The following LCA5L variants were observed in gnomAD, a reference collection of about 807,000 sequenced individuals.
LCA5L encodes the protein lebercilin LCA5 like, also known as lebercilin-like protein.
LCA5L carries 35 observed loss-of-function variants against 45.4 expected under a neutral mutation model. That is an observed-to-expected ratio of 0.77 (90% CI 0.59 to 1.02). The LOEUF is 1.02. Ranked by LOEUF, LCA5L falls within the 50% of genes least tolerant of loss-of-function variation. The probability of loss-of-function intolerance (pLI) is 0.00; values close to 1 mark genes in which losing one functional copy is unlikely to be tolerated. For missense variants in LCA5L, 668 were observed against 761.6 expected, an observed-to-expected ratio of 0.88 and a Z score of 1.45; for synonymous variants, 233 against 264.7, an observed-to-expected ratio of 0.88 and a Z score of 1.16.
chr21:39,410,271 GTC>G lies in LCA5L; in HGVS notation c.1155_1156del (p.Leu385PhefsTer3). The G allele has an allele frequency of 1.9e-6, 3 of 1,594,556 alleles. No homozygotes were observed. Among genetic ancestry groups the G allele is most frequent in the Middle Eastern group, 1.7e-4 (1 of 6,002 alleles). On this transcript the variant is annotated frameshift_variant, in exon 9 of 11. Coordinates refer to ENST00000288350, the MANE Select transcript of LCA5L (RefSeq NM_152505.4). LOFTEE classifies it high-confidence loss of function. ...ATTCCAAATTTGCTGTACCTTAGTT[GTC>G]AAAGGTGGAACATCTGATTTTTGGG...
chr21:39,410,434 A>G, intron 8 of LCA5L, 67 bp from the exon 9 acceptor site: 1 of 837,148 alleles, frequency 1.2e-6, no homozygotes, highest in Non-Finnish European at 1.9e-6. Context: ...GATTTTAAAC[A>G]TAAAATAACT....
chr21:39,428,530 A>G (rs1447021301), intron 4 of LCA5L, 27 bp from the exon 5 acceptor site: 2 of 1,262,926 alleles, frequency 1.6e-6, no homozygotes, highest in Non-Finnish European at 2.1e-6. Context: ...AAAACCTAAT[A>G]AAAGTATTTT....
At chr21:39,418,021 C>T (rs2041590352) in intron 7 of LCA5L, among the ~76,000 whole-genome samples, 1 of 152,234 alleles carries the variant, frequency 6.6e-6, no homozygotes, top group African/African-American at 2.4e-5. Context: ...CCACCTTGGC[C>T]TCCCAAAGTG....
intron 5 of LCA5L, among the ~76,000 whole-genome samples, chr21:39,427,163 C>T (rs1166230286): frequency 6.6e-6 from 1 of 152,150 alleles, no homozygotes; most frequent in Non-Finnish European, 1.5e-5. Context: ...CCTTTATTGT[C>T]CTCCTGTTGA....
rs2039011959 is a variant in LCA5L, at chr21:39,405,874, G to C, written c.*8C>G. On this transcript the variant is annotated 3_prime_UTR_variant, in exon 11 of 11. Coordinates refer to ENST00000288350, the MANE Select transcript of LCA5L (RefSeq NM_152505.4). ...TCAAACCAGAATGCATTAGGATATT[G>C]ATTATATTTAAATAATTATTTTTCT... 6.5e-7 allele frequency: 1 copy of C among 1,543,284 alleles called. No individual in the cohort carries two copies. The highest frequency in any genetic ancestry group is 1.4e-5 in the African/African-American group (1 of 71,842).
At chr21:39,421,089 AT>A (rs2147643483) in intron 6 of LCA5L, among the ~76,000 whole-genome samples, 1 of 149,978 alleles carries the variant, frequency 6.7e-6, no homozygotes, top group East Asian at 1.9e-4. Flanking sequence ...CTAAAATTTG[AT>A]TTAACAATTC....
Position 39,410,175 on chromosome 21 carries a change from A to C in LCA5L, c.1165-79T>G. 3.2e-6 allele frequency: 4 copies of C among 1,261,550 alleles called. No homozygotes were observed. In the South Asian group the frequency reaches 4.9e-5, roughly 15 times the overall value. 78.1% of individuals were successfully genotyped at this position (1,261,550 alleles called of 1,614,324 possible). A position where few individuals can be genotyped will look rare whatever the true frequency, so the allele number is the denominator to read the frequency against. On this transcript the variant is annotated intron_variant, in intron 9 of 10. Coordinates refer to ENST00000288350, the MANE Select transcript of LCA5L (RefSeq NM_152505.4). ...AATTGCATTTTATTCTAATGACTAC[A>C]AATACTTTTCACATAGAACAAGTGA... is the stretch of plus-strand genomic sequence containing the variant.
intron 10 of LCA5L, 158 bp from the exon 11 acceptor site, chr21:39,406,770 A>G: frequency 1.7e-6 from 1 of 581,874 alleles, no homozygotes; most frequent in Non-Finnish European, 3.0e-6. Flanking sequence ...TTACAGAGAA[A>G]GGTGCTATTA....
At chr21:39,434,599 G>A (rs1419752693) in intron 3 of LCA5L, among the ~76,000 whole-genome samples, 1 of 152,068 alleles carries the variant, frequency 6.6e-6, no homozygotes, top group Non-Finnish European at 1.5e-5. Context: ...CTCACTGCAG[G>A]CTTGACCTCC....
intron 10 of LCA5L, among the ~76,000 whole-genome samples, chr21:39,408,850 G>A (rs2039567841): frequency 6.6e-6 from 1 of 152,210 alleles, no homozygotes; most frequent in South Asian, 2.1e-4. Context: ...ATATTCAAGG[G>A]AGCTGAAGCT....
chr21:39,423,595 C>T, intron 5 of LCA5L, 105 bp from the exon 6 acceptor site: 2 of 914,628 alleles, frequency 2.2e-6, no homozygotes, highest in East Asian at 2.6e-5. Context: ...ACACACCACA[C>T]ACATACACAC....
At chr21:39,411,675 G>A (rs748023528) in intron 8 of LCA5L, 43 bp downstream of exon 8, 5 of 1,012,624 alleles carry the variant, frequency 4.9e-6, no homozygotes, top group East Asian at 2.5e-5. Flanking sequence ...AATCTGACTA[G>A]ATACTTAAAA....
intron 1 of LCA5L, chr21:39,445,306 A>G (rs1172654968): frequency 4.6e-5 from 7 of 152,302 alleles, no homozygotes; most frequent in Non-Finnish European, 1.5e-5. Flanking sequence ...TCCAAAGCAA[A>G]ACAGCAAGTA....
chr21:39,410,245 G>T lies in LCA5L; in HGVS notation c.1164+19C>A. 1 of 1,479,682 alleles carries T rather than the reference G, an allele frequency of 6.8e-7. No individual in the cohort carries two copies. The highest frequency in any genetic ancestry group is 1.2e-5 in the South Asian group (1 of 85,918). The allele number at this position is 1,479,682 out of a possible 1,614,324, so 91.7% of individuals were successfully genotyped here. A position where few individuals can be genotyped will look rare whatever the true frequency, so the allele number is the denominator to read the frequency against. ...AGACATGTTTAATCAGACACTGCAAGATTCCAAATTTGCTGTACCTTAGTT... is the reference window on the plus strand; with the variant it reads ...AGACATGTTTAATCAGACACTGCAATATTCCAAATTTGCTGTACCTTAGTT... On this transcript the variant is annotated intron_variant, in intron 9 of 10. Coordinates refer to ENST00000288350, the MANE Select transcript of LCA5L (RefSeq NM_152505.4).
intron 7 of LCA5L, among the ~76,000 whole-genome samples, chr21:39,419,759 T>G (rs1268320305): frequency 2.6e-5 from 4 of 152,120 alleles, no homozygotes; most frequent in Admixed American, 1.3e-4. Context: ...GATCCTTGTC[T>G]TAAAGAATCA....
intron 10 of LCA5L, 95 bp from the exon 11 acceptor site, chr21:39,406,707 C>T (rs2039123285): frequency 1.1e-6 from 1 of 906,412 alleles, no homozygotes; most frequent in Non-Finnish European, 1.7e-6. Context: ...CACCGCCTCA[C>T]AAGCACACTG....
At chr21:39,420,538 A>AAAAAAAG in intron 7 of LCA5L, among the ~76,000 whole-genome samples, 168 bp downstream of exon 7, 1 of 151,272 alleles carries the variant, frequency 6.6e-6, no homozygotes, top group Non-Finnish European at 1.5e-5. Context: ...AAAAAAAAAA[A>AAAAAAAG]AAAGATAAAC....
At chr21:39,428,125 T>A (rs753263681) in intron 5 of LCA5L, 47 bp downstream of exon 5, 2 of 1,101,494 alleles carry the variant, frequency 1.8e-6, no homozygotes, top group Admixed American at 4.4e-5. Flanking sequence ...TAAAATAACA[T>A]CATTATGACA....
intron 3 of LCA5L, chr21:39,429,491 C>T (rs1253168510): frequency 3.3e-5 from 5 of 152,188 alleles, no homozygotes; most frequent in Non-Finnish European, 7.3e-5. Context: ...TTTCACATCA[C>T]CTCATCTCAG....
Sources: allele counts gnomAD v4.1 joint callset (sites outside exome capture counted in the v4.1 genomes callset), GRCh38; gene constraint gnomAD v4.1.1; transcripts MANE v1.5; gene names NCBI Gene and HGNC (gene_info 2026-07-23, HGNC 2026-07-21).